The following SCAI variants were observed in gnomAD, a reference collection of about 807,000 sequenced individuals.
The protein encoded by SCAI is suppressor of cancer cell invasion.
A neutral mutation model predicts 92.2 loss-of-function variants in SCAI; 24 were observed. The ratio of observed to expected loss-of-function variants is 0.26; its 90% CI spans 0.19 to 0.37. SCAI has a LOEUF of 0.37. Among genes scored for constraint, SCAI ranks in the 10% least tolerant of loss-of-function variants. The probability of loss-of-function intolerance (pLI) is 1.00; values close to 1 mark genes in which losing one functional copy is unlikely to be tolerated. For missense variants in SCAI, 450 were observed against 736.2 expected (o/e 0.61, Z 4.50); for synonymous variants, 261 against 258.6 (o/e 1.01, Z -0.09).
intron 2 of SCAI, among the ~76,000 whole-genome samples, chr9:125,092,688 C>T (rs1347261228): frequency 6.6e-6 from 1 of 152,232 alleles, no homozygotes; most frequent in Non-Finnish European, 1.5e-5. Context: ...CTTCTTGCAG[C>T]ATCACCAATG....
intron 15 of SCAI, among the ~76,000 whole-genome samples, chr9:124,972,818 A>G (rs1430290730): frequency 1.3e-5 from 2 of 152,122 alleles, no homozygotes; most frequent in African/African-American, 4.8e-5. Context: ...CTATGGTTCT[A>G]TGGGCTTAGT....
chr9:125,110,070 C>G (rs924134731), intron 2 of SCAI, among the ~76,000 whole-genome samples: 4 of 152,156 alleles, frequency 2.6e-5, no homozygotes, highest in Non-Finnish European at 5.9e-5. Context: ...AATACAGAAT[C>G]TACCCACTAG....
chr9:125,005,008 G>A (rs1832474693), intron 9 of SCAI, among the ~76,000 whole-genome samples: 1 of 150,228 alleles, frequency 6.7e-6, no homozygotes, highest in East Asian at 2.0e-4. Flanking sequence ...GGCTGGTCTT[G>A]AACTCCCGAC....
chr9:125,140,528 A>G (rs1053107121), intron 2 of SCAI, among the ~76,000 whole-genome samples: 1 of 152,124 alleles, frequency 6.6e-6, no homozygotes, highest in Non-Finnish European at 1.5e-5. Flanking sequence ...ACTTTGTCTC[A>G]GGAAAAAGTA....
intron 3 of SCAI, among the ~76,000 whole-genome samples, chr9:125,047,771 G>A (rs1833475733): frequency 6.6e-6 from 1 of 152,140 alleles, no homozygotes; most frequent in Non-Finnish European, 1.5e-5. Context: ...AATACTCACT[G>A]TGTTTCAAAG....
At chr9:125,108,673 C>A (rs1423687117) in intron 2 of SCAI, among the ~76,000 whole-genome samples, 2 of 146,482 alleles carry the variant, frequency 1.4e-5, no homozygotes, top group Admixed American at 1.4e-4. Flanking sequence ...CCCCTCCGCC[C>A]GGCAGCCGCC....
At chr9:125,069,812 T>C (rs1319774281) in intron 2 of SCAI, among the ~76,000 whole-genome samples, 1 of 150,428 alleles carries the variant, frequency 6.6e-6, no homozygotes, top group East Asian at 2.0e-4. Context: ...AGTAGAGATG[T>C]GGTTTCGCCA....
chr9:125,139,304 T>C (rs888819983), intron 2 of SCAI, among the ~76,000 whole-genome samples: 1 of 152,146 alleles, frequency 6.6e-6, no homozygotes, highest in Non-Finnish European at 1.5e-5. Flanking sequence ...TCCCAGCTAC[T>C]TGGGAGGCTG....
chr9:125,128,301 G>A (rs1835318677), intron 2 of SCAI, among the ~76,000 whole-genome samples: 1 of 152,118 alleles, frequency 6.6e-6, no homozygotes, highest in African/African-American at 2.4e-5. Flanking sequence ...GGGCAACAGA[G>A]CAAGACCCCC....
At chr9:124,976,996 G>GTAGCTAGGAC (rs1338024563) in intron 14 of SCAI, among the ~76,000 whole-genome samples, 2 of 151,732 alleles carry the variant, frequency 1.3e-5, no homozygotes, top group African/African-American at 2.4e-5. Flanking sequence ...AGCCTCCCCA[G>GTAGCTAGGAC]TAGCTAGGAC....
At chr9:125,019,269 A>C in intron 7 of SCAI, 64 bp from the exon 8 acceptor site, 1 of 878,482 alleles carries the variant, frequency 1.1e-6, no homozygotes, top group Non-Finnish European at 1.8e-6. Context: ...AGCCATATAG[A>C]ACCATATTCC....
In SCAI at chr9:125,091,158, G is replaced by A. The variant is rs1425734430; in HGVS notation, c.99-35151C>T. Among the ~76,000 whole-genome samples the A allele has an allele frequency of 6.6e-6, 1 of 152,132 alleles. No homozygotes were observed. The highest frequency in any genetic ancestry group is 1.5e-5 in the Non-Finnish European group (1 of 68,024). On this transcript the variant is annotated intron_variant, in intron 2 of 17. Coordinates refer to ENST00000336505, the MANE Select transcript of SCAI (RefSeq NM_001144877.3). This position sits in a 1 kb window ranked among gnomAD's most constrained non-coding sequence, Gnocchi z 4.3. ...AGGTTCATAACTCACTCCAACAGAT[G>A]CAATACCAGGGTTCAAAAATGGTGG...
chr9:124,953,712 C>T (rs1434244768), intron 17 of SCAI, among the ~76,000 whole-genome samples: 1 of 152,092 alleles, frequency 6.6e-6, no homozygotes, highest in African/African-American at 2.4e-5. Context: ...CGTGCCCGGC[C>T]TAGAAATTCT....
intron 3 of SCAI, among the ~76,000 whole-genome samples, chr9:125,032,227 C>A (rs1248966705): frequency 1.2e-4 from 15 of 121,346 alleles, no homozygotes; most frequent in African/African-American, 5.0e-4. Context: ...GAGTCTCTAT[C>A]TGTCACCAGG....
rs866694703 is a variant in SCAI at position 125,077,065 on chromosome 9, T to G, written c.99-21058A>C. Among the ~76,000 whole-genome samples, 5 of 152,246 alleles carry G rather than the reference T, an allele frequency of 3.3e-5. 1 individual carries two copies. In the South Asian group the frequency reaches 1.0e-3, roughly 32 times the overall value. Reference sequence around the variant, plus strand: ...CAGGCATGATGGTGTGTGCCTGTAGTCTCACCTACTCGGGAAGGTGAGTTG... The same window carrying G: ...CAGGCATGATGGTGTGTGCCTGTAGGCTCACCTACTCGGGAAGGTGAGTTG... On this transcript the variant is annotated intron_variant, in intron 2 of 17. Transcript: ENST00000336505.
At chr9:124,970,479 A>G (rs1458921883) in intron 17 of SCAI, among the ~76,000 whole-genome samples, 3 of 152,040 alleles carry the variant, frequency 2.0e-5, no homozygotes, top group Non-Finnish European at 2.9e-5. Context: ...AGCGCTTTGG[A>G]AGGCCAAGGC....
chr9:125,132,209 G>A (rs528355090), intron 2 of SCAI, among the ~76,000 whole-genome samples: 8 of 151,908 alleles, frequency 5.3e-5, no homozygotes, highest in African/African-American at 7.3e-5. Context: ...CAGCTCCTGG[G>A]TTTAAGCAAT....
In SCAI at chr9:125,044,319, T is replaced by C. The variant is rs542122277; in HGVS notation, c.230+11557A>G. ...GACCAATCAGCACACACTTCCACCA[T>C]TCAGAGCACAAAATAACCCCAGACA... On this transcript the variant is annotated intron_variant, in intron 3 of 17. Transcript: ENST00000336505. Among the ~76,000 whole-genome samples the C allele has an allele frequency of 2.0e-5, 3 of 152,184 alleles. No individual in the cohort carries two copies. The South Asian group carries it at 6.2e-4, about 32-fold the overall frequency.
chr9:124,989,516 G>C (rs1488561031), intron 14 of SCAI, among the ~76,000 whole-genome samples: 1 of 151,942 alleles, frequency 6.6e-6, no homozygotes, highest in African/African-American at 2.4e-5. Context: ...GGGAGGCGGA[G>C]GTTGCAGTGA....
Sources: allele counts gnomAD v4.1 joint callset (sites outside exome capture counted in the v4.1 genomes callset), GRCh38; gene constraint gnomAD v4.1.1; non-coding constraint Gnocchi (gnomAD v3.1); transcripts MANE v1.5; gene names NCBI Gene and HGNC (gene_info 2026-07-23, HGNC 2026-07-21).